AGL: variants seen among roughly 807,000 people sequenced by gnomAD.
AGL encodes the protein glycogen debranching enzyme.
Under a neutral mutation model 199.3 loss-of-function variants are expected in AGL, and 128 were observed. The observed-to-expected ratio is 0.64, with a 90% CI of 0.56 to 0.74. The LOEUF (loss-of-function observed/expected upper bound fraction) is 0.74, where lower values mean the gene tolerates loss of function less well. Ranked by LOEUF, AGL falls within the 30% of genes least tolerant of loss-of-function variation. The pLI is 0.00. For missense variants in AGL, 1,809 were observed against 1,820.8 expected, an observed-to-expected ratio of 0.99 and a Z score of 0.12; for synonymous variants, 584 against 594.7, an observed-to-expected ratio of 0.98 and a Z score of 0.26.
intron 33 of AGL, among the ~76,000 whole-genome samples, chr1:99,918,042 C>T (rs139975805): frequency 2.2e-4 from 33 of 152,104 alleles, no homozygotes; most frequent in Admixed American, 5.2e-4. Context: ...TCCTTCTACC[C>T]GAAGGACTTT....
chr1:99,850,707 G>C (rs1648881207), intron 1 of AGL: 1 of 305,432 alleles, frequency 3.3e-6, no homozygotes, highest in African/African-American at 2.2e-5. Flanking sequence ...TAAGTGTATT[G>C]CTTTTCTCTG....
intron 11 of AGL, 63 bp from the exon 12 acceptor site, chr1:99,877,578 C>G: frequency 6.7e-7 from 1 of 1,482,254 alleles, no homozygotes; most frequent in South Asian, 1.1e-5. Flanking sequence ...ACCAGTGTTT[C>G]CTTGAAGTAA....
At chr1:99,879,325 G>A (rs368107844) in intron 12 of AGL, among the ~76,000 whole-genome samples, 13 of 152,098 alleles carry the variant, frequency 8.5e-5, no homozygotes, top group African/African-American at 2.9e-4. Context: ...GGTGGCTCAC[G>A]CCTGTAATCC....
chr1:99,865,410 G>A (rs1650424843), intron 5 of AGL, among the ~76,000 whole-genome samples: 1 of 152,290 alleles, frequency 6.6e-6, no homozygotes, highest in African/African-American at 2.4e-5. Context: ...TGGAAATTAT[G>A]TCTTCTACAT....
In AGL at chr1:99,875,422, G is replaced by T; in HGVS notation, c.1250G>T (p.Gly417Val). ...CTGGCTGGCCATGGTCCAAAACTAG[G>T]ACCTGTCACTAGAAAGCATCCTTTA... ...ERLAGHGPKL[G>V]PVTRKHPLVT... Residue 417 changes from glycine (G) to valine (V), a missense_variant, in exon 10 of 34, where the codon GGA (glycine) becomes GTA (valine). Coordinates refer to ENST00000361915, the MANE Select transcript of AGL (RefSeq NM_000642.3). The T allele has an allele frequency of 6.2e-7, 1 of 1,614,064 alleles. No homozygotes were observed. The highest frequency in any genetic ancestry group is 8.5e-7 in the Non-Finnish European group (1 of 1,180,010).
intron 4 of AGL, among the ~76,000 whole-genome samples, chr1:99,863,784 T>C (rs1650273981): frequency 6.9e-6 from 1 of 144,048 alleles, no homozygotes; most frequent in Non-Finnish European, 1.5e-5. Flanking sequence ...AGTGTCTCTG[T>C]CACCCAGACT....
At chr1:99,897,640 A>G (rs1180896499) in intron 25 of AGL, among the ~76,000 whole-genome samples, 1 of 152,210 alleles carries the variant, frequency 6.6e-6, no homozygotes, top group Non-Finnish European at 1.5e-5. Flanking sequence ...TCTTCCCTAA[A>G]TGCTCCTGAA....
chr1:99,893,368 A>G (rs1015761632), intron 24 of AGL, among the ~76,000 whole-genome samples: 1 of 152,252 alleles, frequency 6.6e-6, no homozygotes, highest in Non-Finnish European at 1.5e-5. Flanking sequence ...CTTTCCATTA[A>G]AAATGTTCAT....
intron 33 of AGL, among the ~76,000 whole-genome samples, chr1:99,918,440 T>G (rs1226342816): frequency 6.6e-6 from 1 of 152,160 alleles, no homozygotes; most frequent in Non-Finnish European, 1.5e-5. Flanking sequence ...CTTGTGATTG[T>G]TCTCTTTATT....
At chr1:99,856,770 T>C (rs983871979) in intron 2 of AGL, among the ~76,000 whole-genome samples, 3 of 152,334 alleles carry the variant, frequency 2.0e-5, no homozygotes, top group East Asian at 1.9e-4. Context: ...GGTAAGGTCA[T>C]AGATCAACAG....
intron 7 of AGL, among the ~76,000 whole-genome samples, chr1:99,872,093 T>G (rs1479104421): frequency 3.3e-5 from 5 of 152,222 alleles, no homozygotes; most frequent in Non-Finnish European, 7.4e-5. Context: ...AATTATTTCT[T>G]TTAACCTCTG....
At chr1:99,916,752 A>G (rs778840167) in intron 33 of AGL, 21 bp downstream of exon 33, 1 of 1,609,896 alleles carries the variant, frequency 6.2e-7, no homozygotes, top group Non-Finnish European at 8.5e-7. Context: ...AGGAGCATGT[A>G]ATTTCCATAA....
rs1163796619 is a variant in AGL at position 99,923,523 on chromosome 1, G to A, written c.*1872G>A. 2.6e-5 allele frequency: 4 copies of A among 152,202 alleles called. No homozygotes were observed. The East Asian group carries it at 5.8e-4, about 22-fold the overall frequency. The allele number at this position is 152,202 out of a possible 1,614,324, so 9.4% of individuals were successfully genotyped here. ...AGATACCCACGTTGGTAAATTTTTAGGATATTGTGTTGCACTAGAAAACTA... is the reference window on the plus strand; with the variant it reads ...AGATACCCACGTTGGTAAATTTTTAAGATATTGTGTTGCACTAGAAAACTA... On this transcript the variant is annotated 3_prime_UTR_variant, in exon 34 of 34. Transcript: ENST00000361915.
intron 31 of AGL, among the ~76,000 whole-genome samples, chr1:99,916,007 A>G (rs1655087021): frequency 6.6e-6 from 1 of 152,180 alleles, no homozygotes. Context: ...TTTCCAATCT[A>G]TAATTAATAA....
At chr1:99,891,916 A>G (rs1557773047) in intron 23 of AGL, among the ~76,000 whole-genome samples, 177 bp downstream of exon 23, 2 of 152,160 alleles carry the variant, frequency 1.3e-5, no homozygotes, top group African/African-American at 4.8e-5. Context: ...ACAAAAACAA[A>G]CTTGAATATT....
intron 27 of AGL, among the ~76,000 whole-genome samples, chr1:99,907,693 G>GTTTTTTTTTGTTTTTT (rs71075465): frequency 8.4e-6 from 1 of 118,944 alleles, no homozygotes; most frequent in Admixed American, 9.2e-5. Flanking sequence ...TTTGTTTTTT[G>GTTTTTTTTTGTTTTTT]TTTTTTTTGC....
At chr1:99,865,076 T>A (rs56186868) in intron 5 of AGL, among the ~76,000 whole-genome samples, 35,788 of 152,170 alleles carry the variant, frequency 0.24, 5,047 homozygotes, top group African/African-American at 0.39. Context: ...CTCATCCTTT[T>A]GTCCAGTGCA....
At position 99,881,421 on chromosome 1, in the gene AGL, G is replaced by A. The variant is rs1652016089; in HGVS notation, c.2131G>A (p.Glu711Lys). 1 of 1,613,954 alleles carries A rather than the reference G, an allele frequency of 6.2e-7. No individual in the cohort carries two copies. The highest frequency in any genetic ancestry group is 8.5e-7 in the Non-Finnish European group (1 of 1,179,992). Residue 711 changes from glutamate (E) to lysine (K), a missense_variant, in exon 16 of 34, where the codon GAG becomes AAG. Coordinates refer to ENST00000361915, the MANE Select transcript of AGL (RefSeq NM_000642.3). ...ARCAISKLHQ[E>K]LGAKGFIQVY... ...GTGTGCTATCAGTAAACTTCATCAGGAGCTTGGAGCCAAGGGTTTTATTCA... is the reference window on the plus strand; with the variant it reads ...GTGTGCTATCAGTAAACTTCATCAGAAGCTTGGAGCCAAGGGTTTTATTCA...
At chr1:99,900,490 T>G in intron 25 of AGL, 146 bp from the exon 26 acceptor site, 1 of 743,822 alleles carries the variant, frequency 1.3e-6, no homozygotes, top group African/African-American at 1.7e-5. Context: ...TCTATCATAC[T>G]ATGACTACTT....
Sources: allele counts gnomAD v4.1 joint callset (sites outside exome capture counted in the v4.1 genomes callset), GRCh38; gene constraint gnomAD v4.1.1; transcripts MANE v1.5; gene names NCBI Gene and HGNC (gene_info 2026-07-23, HGNC 2026-07-21).